The following RAP1GAP2 variants were observed in gnomAD, a reference collection of about 807,000 sequenced individuals.
The protein encoded by RAP1GAP2 is RAP1 GTPase activating protein 2, also known as rap1 GTPase-activating protein 2.
Under a neutral mutation model 95.0 loss-of-function variants are expected in RAP1GAP2, and 27 were observed. The ratio of observed to expected loss-of-function variants is 0.28; its 90% CI spans 0.21 to 0.39. The LOEUF is 0.39. RAP1GAP2 is among the 10% of genes least tolerant of loss of function. The pLI is 1.00. For missense variants in RAP1GAP2, 771 were observed against 970.0 expected (o/e 0.79, Z 2.72); for synonymous variants, 373 against 380.9 (o/e 0.98, Z 0.24).
At chr17:2,800,440 GA>G (rs1466101912) in intron 1 of RAP1GAP2, 74 bp from the exon 2 acceptor site, 3 of 1,060,086 alleles carry the variant, frequency 2.8e-6, no homozygotes, top group Non-Finnish European at 3.9e-6. Context: ...CTGTCCCGGG[GA>G]CTCCTCCATA....
At chr17:3,002,798 C>G (rs911385568) in intron 14 of RAP1GAP2, among the ~76,000 whole-genome samples, 1 of 152,202 alleles carries the variant, frequency 6.6e-6, no homozygotes. Flanking sequence ...CCTTCCCTCT[C>G]TGGGCCTCTA....
At chr17:2,775,304 A>T (rs1012483560), upstream of RAP1GAP2, among the ~76,000 whole-genome samples, 2 of 152,150 alleles carry the variant, frequency 1.3e-5, no homozygotes, top group Non-Finnish European at 2.9e-5. Context: ...AGAATTTCCC[A>T]ATATGACCAG....
At chr17:2,837,307 G>A (rs1023129299) in intron 2 of RAP1GAP2, among the ~76,000 whole-genome samples, 12 of 151,248 alleles carry the variant, frequency 7.9e-5, no homozygotes, top group South Asian at 2.1e-4. Flanking sequence ...AGCCTGCATC[G>A]TGTACCTACC....
chr17:2,962,662 T>C lies in RAP1GAP2; in HGVS notation c.202-8T>C. On this transcript the variant is annotated splice_region_variant and splice_polypyrimidine_tract_variant and intron_variant, in intron 4 of 24. Coordinates refer to ENST00000254695, the MANE Select transcript of RAP1GAP2 (RefSeq NM_015085.5). Reference sequence around the variant, plus strand: ...TTTCTGTGGATCCTGTTTTCCTTGTTTCTATAGGGGATCAAGCTTGAAGAG... The same window carrying C: ...TTTCTGTGGATCCTGTTTTCCTTGTCTCTATAGGGGATCAAGCTTGAAGAG... 1 of 1,584,642 alleles carries C rather than the reference T, an allele frequency of 6.3e-7. No homozygotes were observed. The highest frequency in any genetic ancestry group is 8.6e-7 in the Non-Finnish European group (1 of 1,166,222).
chr17:2,942,839 C>T (rs574151555), intron 3 of RAP1GAP2, among the ~76,000 whole-genome samples: 1 of 152,198 alleles, frequency 6.6e-6, no homozygotes, highest in Admixed American at 6.5e-5. Flanking sequence ...GTGATATTGG[C>T]TCACTGCAAC....
At chr17:2,887,974 T>C (rs1236745850) in intron 2 of RAP1GAP2, among the ~76,000 whole-genome samples, 2 of 152,086 alleles carry the variant, frequency 1.3e-5, no homozygotes, top group African/African-American at 4.8e-5. Context: ...GCGCCTGGCC[T>C]AACTATTATC....
chr17:2,890,451 G>A (rs2073668933), intron 2 of RAP1GAP2, among the ~76,000 whole-genome samples: 2 of 152,088 alleles, frequency 1.3e-5, no homozygotes. Context: ...GTGGAGCAGT[G>A]GCTTAGCTGG....
At chr17:2,900,245 C>A (rs1567757497) in intron 2 of RAP1GAP2, among the ~76,000 whole-genome samples, 2 of 152,086 alleles carry the variant, frequency 1.3e-5, no homozygotes, top group East Asian at 1.9e-4. Flanking sequence ...GAGAGTAGAT[C>A]CCCAGGCTAG....
rs2045508124 is a variant in RAP1GAP2 at position 2,985,074 on chromosome 17, G to C, written c.813+8G>C. 1 of 1,613,852 alleles carries C rather than the reference G, an allele frequency of 6.2e-7. No homozygotes were observed. Among genetic ancestry groups the C allele is most frequent in the Non-Finnish European group, 8.5e-7 (1 of 1,179,874 alleles). ...TATCAAAAAGCCAGGCAGGTAAGCA[G>C]CACCATCCATACCGGTGACTGTATC... On this transcript the variant is annotated splice_region_variant and intron_variant, in intron 11 of 24. Coordinates refer to ENST00000254695, the MANE Select transcript of RAP1GAP2 (RefSeq NM_015085.5).
chr17:2,935,275 C>T (rs765838374), intron 3 of RAP1GAP2, among the ~76,000 whole-genome samples: 8 of 152,054 alleles, frequency 5.3e-5, no homozygotes, highest in Non-Finnish European at 2.9e-5. Context: ...TGGGAGGCCG[C>T]AGCAGGTGGA....
chr17:2,816,235 T>G (rs1441079596), intron 2 of RAP1GAP2, among the ~76,000 whole-genome samples: 2 of 149,742 alleles, frequency 1.3e-5, no homozygotes, highest in Middle Eastern at 3.2e-3. Flanking sequence ...TGTTTTGTTT[T>G]GTTTTTTTTT....
chr17:3,031,071 A>C (rs562348029), intron 23 of RAP1GAP2, 73 bp downstream of exon 23: 1 of 1,449,018 alleles, frequency 6.9e-7, no homozygotes, highest in African/African-American at 1.4e-5. Context: ...AGGCCAGAGG[A>C]AGAGGGTTCA....
chr17:2,800,439 G>T, intron 1 of RAP1GAP2, 76 bp from the exon 2 acceptor site: 1 of 1,057,526 alleles, frequency 9.5e-7, no homozygotes, highest in Admixed American at 2.4e-5. Flanking sequence ...GCTGTCCCGG[G>T]GACTCCTCCA....
intron 11 of RAP1GAP2, among the ~76,000 whole-genome samples, chr17:2,987,450 G>A (rs1251489480): frequency 6.7e-6 from 1 of 149,288 alleles, no homozygotes; most frequent in Non-Finnish European, 1.5e-5. Flanking sequence ...TGCAACCTCC[G>A]CCTCCCGGGT....
chr17:2,879,030 G>A (rs1423224835), intron 2 of RAP1GAP2, among the ~76,000 whole-genome samples: 1 of 152,136 alleles, frequency 6.6e-6, no homozygotes, highest in African/African-American at 2.4e-5. Context: ...GGAGGGTGTG[G>A]CAAGGTCAGG....
chr17:2,863,092 C>T (rs2151623760), intron 2 of RAP1GAP2, among the ~76,000 whole-genome samples: 1 of 150,814 alleles, frequency 6.6e-6, no homozygotes, highest in Admixed American at 6.6e-5. Context: ...ACCCTTTATA[C>T]CCATGGCAGA....
At chr17:2,773,529 A>G (rs1222918594), upstream of RAP1GAP2, among the ~76,000 whole-genome samples, 1 of 152,008 alleles carries the variant, frequency 6.6e-6, no homozygotes, top group Non-Finnish European at 1.5e-5. Context: ...GTGTGTTTAA[A>G]GGTGGTTTGA....
In RAP1GAP2 at chr17:3,035,741, GC is replaced by G. The variant is rs1292627292; in HGVS notation, c.*2383del. On this transcript the variant is annotated 3_prime_UTR_variant, in exon 25 of 25. Coordinates refer to ENST00000254695, the MANE Select transcript of RAP1GAP2 (RefSeq NM_015085.5). The surrounding 1 kb of genome is among the most constrained non-coding windows in gnomAD (Gnocchi z 4.3). ...GAGAGGGAGGAGGAGAACAAGGATGGCCCAGCCTCCCCTCCCTCCCCTAGAC... is the reference window on the plus strand; with the variant it reads ...GAGAGGGAGGAGGAGAACAAGGATGGCCAGCCTCCCCTCCCTCCCCTAGAC... The G allele has an allele frequency of 6.6e-6, 1 of 152,354 alleles. No homozygotes were observed. The highest frequency in any genetic ancestry group is 1.5e-5 in the Non-Finnish European group (1 of 68,170). The allele number at this position is 152,354 out of a possible 1,614,324, so 9.4% of individuals were successfully genotyped here.
intron 1 of RAP1GAP2, among the ~76,000 whole-genome samples, chr17:2,763,981 C>A (rs1046881069): frequency 6.6e-6 from 1 of 152,010 alleles, no homozygotes; most frequent in Non-Finnish European, 1.5e-5. Flanking sequence ...CCGGGAGAGA[C>A]CCTGTGCCTC....
Sources: gnomAD v4.1 joint callset for allele counts (sites outside exome capture counted in the v4.1 genomes callset) on GRCh38, gnomAD v4.1.1 for gene constraint, Gnocchi (gnomAD v3.1) non-coding constraint, MANE v1.5 for transcripts, NCBI Gene and HGNC (gene_info 2026-07-23, HGNC 2026-07-21) for gene names.